The following ZC3H12B variants were observed in gnomAD, a reference collection of about 807,000 sequenced individuals.
ZC3H12B encodes zinc finger CCCH-type containing 12B, also known as probable ribonuclease ZC3H12B.
Under a neutral mutation model 43.9 loss-of-function variants are expected in ZC3H12B, and 7 were observed. The ratio of observed to expected loss-of-function variants is 0.16; its 90% CI spans 0.09 to 0.30. The LOEUF is 0.30. Ranked by LOEUF, ZC3H12B falls within the 10% of genes least tolerant of loss-of-function variation. The pLI is 1.00. For synonymous variants in ZC3H12B, 222 were observed against 241.7 expected, an observed-to-expected ratio of 0.92 and a Z score of 0.76; for missense variants, 475 against 670.2, an observed-to-expected ratio of 0.71 and a Z score of 3.22.
chrX:65,450,863 A>G (rs1237260416), intron 3 of ZC3H12B, among the ~76,000 whole-genome samples: 3 of 91,276 alleles, frequency 3.3e-5, no homozygotes, highest in African/African-American at 7.9e-5. Flanking sequence ...ATATGTGTAT[A>G]TATGTATATA....
the ZC3H12B span, among the ~76,000 whole-genome samples, chrX:65,169,791 G>C: frequency 1.8e-5 from 2 of 111,635 alleles, no homozygotes; most frequent in East Asian, 5.6e-4. Context: ...TTATGTAATG[G>C]CCTTCTTTGT....
chrX:65,084,752 G>T, the ZC3H12B span, among the ~76,000 whole-genome samples: 15 of 112,693 alleles, frequency 1.3e-4, no homozygotes, highest in Admixed American at 7.5e-4. Flanking sequence ...CAGCCCCATT[G>T]CTGGGTATAT....
the ZC3H12B span, among the ~76,000 whole-genome samples, chrX:65,203,176 T>C: frequency 8.9e-6 from 1 of 112,130 alleles, no homozygotes; most frequent in South Asian, 3.7e-4. Context: ...AGAAATGCCA[T>C]ACAGGAGCCA....
chrX:65,105,399 A>G, the ZC3H12B span, among the ~76,000 whole-genome samples: 1 of 111,564 alleles, frequency 9.0e-6, no homozygotes, highest in Admixed American at 9.6e-5. Flanking sequence ...CAGCAGATAT[A>G]TCCCAGAACT....
chrX:65,210,025 A>C, the ZC3H12B span, among the ~76,000 whole-genome samples: 1 of 59,794 alleles, frequency 1.7e-5, no homozygotes, highest in African/African-American at 2.3e-4. Flanking sequence ...CTTCATGTCC[A>C]AAACACCAAA....
chrX:65,152,701 C>T, the ZC3H12B span, among the ~76,000 whole-genome samples: 2 of 111,107 alleles, frequency 1.8e-5, no homozygotes, highest in Non-Finnish European at 3.8e-5. Context: ...ATCAAGCTAC[C>T]AGACTTTCTT....
At chrX:65,349,630 G>C in the ZC3H12B span, among the ~76,000 whole-genome samples, 1 of 111,510 alleles carries the variant, frequency 9.0e-6, no homozygotes, top group Non-Finnish European at 1.9e-5. Context: ...AAAAAGAAAA[G>C]AGAGAATAAT....
intron 3 of ZC3H12B, among the ~76,000 whole-genome samples, chrX:65,454,955 A>G (rs933346542): frequency 3.6e-5 from 4 of 112,203 alleles, no homozygotes; most frequent in Non-Finnish European, 5.6e-5. Context: ...CAGAAAGGAC[A>G]TCCACACCAA....
At chrX:65,329,213 C>G in the ZC3H12B span, among the ~76,000 whole-genome samples, 4 of 111,087 alleles carry the variant, frequency 3.6e-5, no homozygotes, top group East Asian at 2.8e-4. Context: ...AGCACCTGTT[C>G]TTTCCTGACG....
the ZC3H12B span, among the ~76,000 whole-genome samples, chrX:65,067,764 TTTC>T: frequency 1.8e-5 from 2 of 111,398 alleles, no homozygotes; most frequent in African/African-American, 3.3e-5. Context: ...CATTATTTCT[TTTC>T]TTCTACTAAT....
At chrX:65,430,598 GT>G (rs1253764634) in intron 3 of ZC3H12B, among the ~76,000 whole-genome samples, 6 of 102,825 alleles carry the variant, frequency 5.8e-5, no homozygotes, top group Non-Finnish European at 3.9e-5. Context: ...GCGGTGTTTG[GT>G]TTTTTGTCCC....
the ZC3H12B span, among the ~76,000 whole-genome samples, chrX:65,146,491 A>G: frequency 9.0e-6 from 1 of 111,322 alleles, no homozygotes; most frequent in Non-Finnish European, 1.9e-5. Flanking sequence ...GTTTGGGTCC[A>G]TTGCTGATGA....
At chrX:65,214,296 G>T in the ZC3H12B span, among the ~76,000 whole-genome samples, 1 of 111,529 alleles carries the variant, frequency 9.0e-6, no homozygotes, top group Non-Finnish European at 1.9e-5. Flanking sequence ...AAATTTATCT[G>T]TAGCATGTGA....
At chrX:65,038,118 C>T in the ZC3H12B span, among the ~76,000 whole-genome samples, 1 of 110,911 alleles carries the variant, frequency 9.0e-6, no homozygotes, top group Admixed American at 9.6e-5. Context: ...GGAGTTATTC[C>T]ATCCGTAGAG....
chrX:65,499,689 A>T (rs1375025746), intron 3 of ZC3H12B, among the ~76,000 whole-genome samples, 194 bp from the exon 9 acceptor site: 1 of 111,615 alleles, frequency 9.0e-6, no homozygotes, highest in African/African-American at 3.3e-5. Context: ...TGAACAGGGA[A>T]AATCATCCTT....
chrX:65,376,584 CTGTT>C (rs1249908224), intron 2 of ZC3H12B, among the ~76,000 whole-genome samples: 4 of 111,667 alleles, frequency 3.6e-5, no homozygotes, highest in Admixed American at 9.6e-5. Flanking sequence ...GAGAGATATT[CTGTT>C]TGTTTGGGAA....
chrX:65,384,850 C>T (rs749002403), intron 2 of ZC3H12B, among the ~76,000 whole-genome samples: 2 of 111,277 alleles, frequency 1.8e-5, no homozygotes, highest in African/African-American at 6.5e-5. Context: ...AAAGAAAGAA[C>T]AGGAGTTGGA....
chrX:65,412,076 C>T (rs929093398), intron 3 of ZC3H12B, among the ~76,000 whole-genome samples: 1 of 111,126 alleles, frequency 9.0e-6, no homozygotes, highest in Non-Finnish European at 1.9e-5. Flanking sequence ...GCAACCATTT[C>T]TATTCCCTTC....
intron 3 of ZC3H12B, chrX:65,499,458 G>T: frequency 2.7e-6 from 1 of 374,440 alleles, no homozygotes; most frequent in Admixed American, 4.8e-5. Flanking sequence ...GTTAAAATTT[G>T]TTTTTTAAAA....
Sources: gnomAD v4.1 joint callset for allele counts (sites outside exome capture counted in the v4.1 genomes callset) on GRCh38, gnomAD v4.1.1 for gene constraint, MANE v1.5 for transcripts, NCBI Gene and HGNC (gene_info 2026-07-23, HGNC 2026-07-21) for gene names.